Variants in PIK3C3 observed in about 807,000 individuals in gnomAD.
The protein encoded by PIK3C3 is phosphatidylinositol 3-kinase catalytic subunit type 3, also known as PI3-kinase type 3.
Under a neutral mutation model 126.1 loss-of-function variants are expected in PIK3C3, and 95 were observed. The ratio of observed to expected loss-of-function variants is 0.75; its 90% confidence interval spans 0.64 to 0.89. The LOEUF is 0.89. PIK3C3 is among the 40% of genes least tolerant of loss of function. The probability of loss-of-function intolerance (pLI) is 0.00; values close to 1 mark genes in which losing one functional copy is unlikely to be tolerated. For synonymous variants in PIK3C3, 374 were observed against 360.0 expected, an observed-to-expected ratio of 1.04 and a Z score of -0.44; for missense variants, 829 against 1,063.2, an observed-to-expected ratio of 0.78 and a Z score of 3.06.
intron 6 of PIK3C3, 61 bp downstream of exon 6, chr18:41,990,615 A>T: frequency 1.1e-6 from 1 of 873,502 alleles, no homozygotes; most frequent in Non-Finnish European, 1.9e-6. Context: ...CATTAAAAAA[A>T]TATTGTTGTT....
chr18:41,995,547 G>C lies in PIK3C3; in HGVS notation c.787-343G>C, dbSNP rs138916703. Among the ~76,000 whole-genome samples the C allele has an allele frequency of 2.2e-3, 337 of 152,270 alleles. 1 individual carries two copies. Among genetic ancestry groups the C allele is most frequent in the African/African-American group, 7.5e-3 (312 of 41,570 alleles). On this transcript the variant is annotated intron_variant, in intron 7 of 24. Coordinates refer to ENST00000262039, the MANE Select transcript of PIK3C3 (RefSeq NM_002647.4). The stretch of plus-strand genomic sequence containing the variant: ...GTCATTAGTAGCTGACAGGAGGAAG[G>C]AATGCTTTAGTCTATGTTGTCAGGG...
intron 24 of PIK3C3, among the ~76,000 whole-genome samples, chr18:42,078,576 C>T (rs1450883284): frequency 6.6e-6 from 1 of 151,996 alleles, no homozygotes; most frequent in African/African-American, 2.4e-5. Flanking sequence ...TAGCCCCTAC[C>T]AAGAAAGTCA....
intron 11 of PIK3C3, among the ~76,000 whole-genome samples, chr18:42,014,896 C>T (rs1982998662): frequency 6.6e-6 from 1 of 152,088 alleles, no homozygotes; most frequent in Non-Finnish European, 1.5e-5. Context: ...GGAAGATGCT[C>T]TTTATATTTT....
chr18:41,957,506 TTA>T, intron 1 of PIK3C3, 62 bp from the exon 2 acceptor site: 1 of 1,466,638 alleles, frequency 6.8e-7, no homozygotes, highest in South Asian at 1.2e-5. Context: ...TGCTTAGTAC[TTA>T]TGTATATATG....
intron 16 of PIK3C3, among the ~76,000 whole-genome samples, chr18:42,035,154 C>T (rs1223588816): frequency 6.6e-6 from 1 of 152,000 alleles, no homozygotes; most frequent in African/African-American, 2.4e-5. Context: ...ATAGGAGATA[C>T]AGTGCAATTT....
chr18:42,033,889 AT>A lies in PIK3C3; in HGVS notation c.1772del (p.Ile591ThrfsTer5). ...GATGAATTTGTCAGATGTGGAACTT[AT>A]CCCGTTGCCTTTAGAACCCCAAGTG... ...EKMNLSDVEL[I>X]PLPLEPQVKI... On this transcript the variant is annotated frameshift_variant, in exon 16 of 25. Transcript: ENST00000262039. LOFTEE classifies it high-confidence loss of function. 1 of 1,605,972 alleles carries A rather than the reference AT, an allele frequency of 6.2e-7. No homozygotes were observed. Among genetic ancestry groups the A allele is most frequent in the Non-Finnish European group, 8.5e-7 (1 of 1,174,634 alleles).
chr18:41,964,415 C>T (rs978166690), intron 3 of PIK3C3, among the ~76,000 whole-genome samples: 4 of 151,966 alleles, frequency 2.6e-5, no homozygotes, highest in Non-Finnish European at 5.9e-5. Flanking sequence ...AATCTTATGC[C>T]TCAATGTCTT....
intron 20 of PIK3C3, 116 bp from the exon 21 acceptor site, chr18:42,049,415 C>T: frequency 1.7e-6 from 1 of 595,120 alleles, no homozygotes. Flanking sequence ...GATGAGAAAC[C>T]AGAGACATTA....
At chr18:42,016,910 C>T (rs534066974) in intron 12 of PIK3C3, among the ~76,000 whole-genome samples, 6 of 152,048 alleles carry the variant, frequency 3.9e-5, no homozygotes, top group South Asian at 2.1e-4. Flanking sequence ...ATTCTGAAAA[C>T]GATGTTCAGA....
intron 10 of PIK3C3, among the ~76,000 whole-genome samples, chr18:42,008,565 C>T (rs1259004646): frequency 6.6e-6 from 1 of 151,944 alleles, no homozygotes; most frequent in African/African-American, 2.4e-5. Context: ...TTCACATTTG[C>T]ACTTTGAAGC....
intron 13 of PIK3C3, among the ~76,000 whole-genome samples, chr18:42,022,269 C>T (rs1034335995): frequency 1.3e-5 from 2 of 152,126 alleles, no homozygotes; most frequent in Non-Finnish European, 2.9e-5. Flanking sequence ...AGGTATTTCT[C>T]CCAGTGCTAT....
At position 42,027,881 on chromosome 18, in the gene PIK3C3, C is replaced by T. The variant is rs910046101; in HGVS notation, c.1590+333C>T. ...TGTTGGGCCAGGCTATTCTGGAACT[C>T]CTGACCTCAGGTGATGCACCTGCCT... On this transcript the variant is annotated intron_variant, in intron 14 of 24. Transcript: ENST00000262039. 3.3e-5 allele frequency among the ~76,000 whole-genome samples: 5 copies of T among 152,078 alleles called. No homozygotes were observed. In the East Asian group the frequency reaches 9.7e-4, roughly 29 times the overall value.
At chr18:42,036,383 A>G (rs1984050949) in intron 16 of PIK3C3, among the ~76,000 whole-genome samples, 1 of 151,358 alleles carries the variant, frequency 6.6e-6, no homozygotes, top group South Asian at 2.1e-4. Flanking sequence ...TTTTTGGGCC[A>G]TTATTTCTCT....
rs570770612 is a variant in PIK3C3 at position 41,975,986 on chromosome 18, C to T, written c.531+5530C>T. On this transcript the variant is annotated intron_variant, in intron 4 of 24. Transcript: ENST00000262039. ...AAGTGCTGGGATTGCAGGCGTGAGC[C>T]ACCACGCCTGGCCAAAAGGACTTTC... Among the ~76,000 whole-genome samples, 22 of 152,298 alleles carry T rather than the reference C, an allele frequency of 1.4e-4. No individual in the cohort carries two copies. The South Asian group carries it at 4.3e-3, about 30-fold the overall frequency.
intron 19 of PIK3C3, 25 bp downstream of exon 19, chr18:42,040,766 A>G (rs768055519): frequency 7.1e-7 from 1 of 1,407,400 alleles, no homozygotes; most frequent in Non-Finnish European, 1.0e-6. Context: ...AAGATTATGC[A>G]ATTCATGAAT....
chr18:41,971,878 G>A (rs1024452869), intron 4 of PIK3C3, among the ~76,000 whole-genome samples: 4 of 152,000 alleles, frequency 2.6e-5, no homozygotes, highest in African/African-American at 7.2e-5. Context: ...GAAATATAAA[G>A]CTTTATAGTT....
intron 12 of PIK3C3, among the ~76,000 whole-genome samples, chr18:42,019,044 A>G (rs1983203343): frequency 6.6e-6 from 1 of 152,030 alleles, no homozygotes; most frequent in South Asian, 2.1e-4. Context: ...CAATCTCTAG[A>G]TGACAATTCT....
intron 11 of PIK3C3, 134 bp from the exon 12 acceptor site, chr18:42,015,342 G>A (rs1983023471): frequency 1.5e-6 from 1 of 660,000 alleles, no homozygotes; most frequent in African/African-American, 1.8e-5. Context: ...TGACTCTAGT[G>A]TTGCACAGAA....
chr18:42,045,491 C>T (rs770857951), intron 20 of PIK3C3, among the ~76,000 whole-genome samples: 2 of 152,182 alleles, frequency 1.3e-5, no homozygotes, highest in African/African-American at 2.4e-5. Flanking sequence ...ACTGTCTTAG[C>T]TAGGCTTATT....
Sources: gnomAD v4.1 joint callset for allele counts (sites outside exome capture counted in the v4.1 genomes callset) on GRCh38, gnomAD v4.1.1 for gene constraint, MANE v1.5 for transcripts, NCBI Gene and HGNC (gene_info 2026-07-23, HGNC 2026-07-21) for gene names.